Variants in FLAD1 observed in about 807,000 individuals in gnomAD.
FLAD1 encodes the protein bifunctional FAD diphosphatase/FAD synthase.
A neutral mutation model predicts 55.0 loss-of-function variants in FLAD1; 35 were observed. That is an observed-to-expected ratio of 0.64 (90% CI 0.49 to 0.84). The LOEUF (loss-of-function observed/expected upper bound fraction) is 0.84. Ranked by LOEUF, FLAD1 falls within the 40% of genes least tolerant of loss-of-function variation. FLAD1 has a pLI of 0.00. For missense variants in FLAD1, 665 were observed against 742.6 expected (o/e 0.90, Z 1.21); for synonymous variants, 267 against 303.0 (o/e 0.88, Z 1.23).
chr1:154,985,031 A>ATTTTTTTTTTTTTTTTTTTTTTTT (rs749772991), intron 1 of FLAD1, among the ~76,000 whole-genome samples: 2 of 32,586 alleles, frequency 6.1e-5, no homozygotes, highest in African/African-American at 1.2e-4. Context: ...CACCTGGCTA[A>ATTTTTTTTTTTTTTTTTTTTTTTT]TTTTTTTTTT....
Position 154,988,564 on chromosome 1 carries a change from C to A in FLAD1, c.832C>A (p.Gln278Lys). 1 of 1,614,244 alleles carries A rather than the reference C, an allele frequency of 6.2e-7. No individual in the cohort carries two copies. The highest frequency in any genetic ancestry group is 8.5e-7 in the Non-Finnish European group (1 of 1,180,048). ...MKGLFQNPAV[Q>K]FHSKELYVAA... Reference sequence around the variant, plus strand: ...GGGACTATTCCAAAACCCAGCTGTTCAGTTCCACTCAAAGGAGCTATATGT... The same window carrying A: ...GGGACTATTCCAAAACCCAGCTGTTAAGTTCCACTCAAAGGAGCTATATGT... Residue 278 changes from glutamine (Q) to lysine (K), a missense_variant, in exon 2 of 7, where the codon CAG becomes AAG. By Grantham distance (53) the Gln-to-Lys change is moderately conservative (BLOSUM62 1). Transcript: ENST00000292180.
chr1:154,985,592 G>A (rs752204293), intron 1 of FLAD1, among the ~76,000 whole-genome samples: 5 of 151,248 alleles, frequency 3.3e-5, no homozygotes, highest in Non-Finnish European at 5.9e-5. Flanking sequence ...TAGTAGGGAC[G>A]GATGGGGTTT....
chr1:154,992,142 C>CAAA (rs35484260), intron 5 of FLAD1, among the ~76,000 whole-genome samples: 2,278 of 68,836 alleles, frequency 0.033, 150 homozygotes, highest in African/African-American at 0.11. Flanking sequence ...GACTCCGTCT[C>CAAA]AAAAAAAAAA....
At chr1:154,989,779 A>G (rs1657784045) in intron 3 of FLAD1, 72 bp downstream of exon 3, 26 of 1,446,034 alleles carry the variant, frequency 1.8e-5, no homozygotes, top group Non-Finnish European at 2.4e-5. Flanking sequence ...GCAAGGAGAA[A>G]GGGGGTGTAC....
chr1:154,991,834 A>G (rs1657883554), intron 5 of FLAD1, among the ~76,000 whole-genome samples: 1 of 151,990 alleles, frequency 6.6e-6, no homozygotes, highest in Admixed American at 6.6e-5. Flanking sequence ...CCTGGGCAAC[A>G]GTAAAGGCCC....
chr1:154,989,585 AG>A lies in FLAD1; in HGVS notation c.1145del (p.Gly382ValfsTer86). ...GGTCTTCTTTGGGGAAAAAGGTGGC[AG>A]GTGCCCTACAGACCATTGAGACCTC... ...SGSSLGKKVA[G>X]ALQTIETSLA... is the part of the protein sequence containing the mutation. On this transcript the variant is annotated frameshift_variant, in exon 3 of 7. Coordinates refer to ENST00000292180, the MANE Select transcript of FLAD1 (RefSeq NM_025207.5). LOFTEE classifies it high-confidence loss of function. 6.3e-7 allele frequency: 1 copy of A among 1,586,792 alleles called. No individual in the cohort carries two copies. Among genetic ancestry groups the A allele is most frequent in the Non-Finnish European group, 8.6e-7 (1 of 1,165,256 alleles).
intron 1 of FLAD1, among the ~76,000 whole-genome samples, chr1:154,985,031 A>ATTTTTTTTTTTTTTTTTTTTTTTTT (rs749772991): frequency 3.1e-5 from 1 of 32,552 alleles, no homozygotes; most frequent in Non-Finnish European, 5.3e-5. Flanking sequence ...CACCTGGCTA[A>ATTTTTTTTTTTTTTTTTTTTTTTTT]TTTTTTTTTT....
intron 5 of FLAD1, among the ~76,000 whole-genome samples, chr1:154,991,757 C>T (rs950242904): frequency 2.0e-5 from 3 of 151,550 alleles, no homozygotes; most frequent in Admixed American, 6.6e-5. Flanking sequence ...CAGGCTGAGG[C>T]GGGAAGATCG....
At chr1:154,986,912 A>G (rs891187549) in intron 1 of FLAD1, among the ~76,000 whole-genome samples, 7 of 151,644 alleles carry the variant, frequency 4.6e-5, no homozygotes, top group African/African-American at 7.3e-5. Context: ...AAAAATCCCA[A>G]TTGATGAAAC....
At chr1:154,985,529 A>G (rs575698509) in intron 1 of FLAD1, among the ~76,000 whole-genome samples, 1 of 151,396 alleles carries the variant, frequency 6.6e-6, no homozygotes, top group Admixed American at 6.6e-5. Context: ...CAGCCTCCCA[A>G]GTGGCTGGGA....
Position 154,992,905 on chromosome 1 carries a change from C to T in FLAD1, c.1632C>T (p.Tyr544=). 1.2e-6 allele frequency: 2 copies of T among 1,614,026 alleles called. No homozygotes were observed. Among genetic ancestry groups the T allele is most frequent in the Middle Eastern group, 1.6e-4 (1 of 6,062 alleles). Residue 544 remains tyrosine, a synonymous_variant, in exon 7 of 7, where the codon TAC becomes TAT. Coordinates refer to ENST00000292180, the MANE Select transcript of FLAD1 (RefSeq NM_025207.5). The part of the protein sequence containing the change: ...VPYCILYDRG[Y]TSLGSRENTV... ...CCCTCCACCCTCCCTGCTCCAGATA[C>T]ACATCACTGGGGAGTCGGGAGAATA... is the stretch of plus-strand genomic sequence containing the variant.
In FLAD1 at chr1:154,983,674, A is replaced by G. The variant is rs779406447; in HGVS notation, c.-21A>G. ...AGAAGAAGTTTTTAAGACTAGAGCTAAGCAAGACATTTAAAAGGACATGGG... is the reference window on the plus strand; with the variant it reads ...AGAAGAAGTTTTTAAGACTAGAGCTGAGCAAGACATTTAAAAGGACATGGG... On this transcript the variant is annotated 5_prime_UTR_variant, in exon 1 of 7. Transcript: ENST00000292180. 2 of 1,594,904 alleles carry G rather than the reference A, an allele frequency of 1.3e-6. No individual in the cohort carries two copies. The highest frequency in any genetic ancestry group is 1.7e-6 in the Non-Finnish European group (2 of 1,168,622).
At chr1:154,984,985 A>C (rs1332875520) in intron 1 of FLAD1, among the ~76,000 whole-genome samples, 2 of 146,616 alleles carry the variant, frequency 1.4e-5, no homozygotes, top group East Asian at 2.0e-4. Context: ...CTGCCTCAGC[A>C]TCTGGAGTTG....
At chr1:154,987,458 G>A (rs1421973741) in intron 1 of FLAD1, 1 of 156,438 alleles carries the variant, frequency 6.4e-6, no homozygotes, top group East Asian at 1.9e-4. Context: ...ACTTTCTTCT[G>A]TATACAGTTG....
At chr1:154,989,823 C>A in intron 3 of FLAD1, 116 bp downstream of exon 3, 1 of 1,135,220 alleles carries the variant, frequency 8.8e-7, no homozygotes, top group Non-Finnish European at 1.2e-6. Context: ...GTCATGGTGA[C>A]CTCTCAGTTC....
chr1:154,987,862 G>C, intron 1 of FLAD1: 1 of 1,245,330 alleles, frequency 8.0e-7, no homozygotes, highest in Non-Finnish European at 1.1e-6. Context: ...AAGCCAGGAG[G>C]TTGAGGCTGC....
In FLAD1 at chr1:154,990,240, AC is replaced by A; in HGVS notation, c.1348del (p.Gln450ArgfsTer18). On this transcript the variant is annotated frameshift_variant, in exon 4 of 7. Coordinates refer to ENST00000292180, the MANE Select transcript of FLAD1 (RefSeq NM_025207.5). LOFTEE classifies it high-confidence loss of function. ...SPFPELEQFL[Q>X]DTIKRYNLQM... ...CTTTCCCTGAGCTGGAACAGTTTCT[AC>A]AGGACACTATCAAGAGGTACTAGGG... 1 of 1,614,094 alleles carries A rather than the reference AC, an allele frequency of 6.2e-7. No homozygotes were observed. Among genetic ancestry groups the A allele is most frequent in the Non-Finnish European group, 8.5e-7 (1 of 1,179,956 alleles).
Position 154,984,866 on chromosome 1 carries a change from C to T in FLAD1, c.372+800C>T, listed in dbSNP as rs140180181. ...TTACTAGAGGACATAACAGATGACA[C>T]GGGTTTTTTTGTTTTTGAGACAAGA... On this transcript the variant is annotated intron_variant, in intron 1 of 6. Coordinates refer to ENST00000292180, the MANE Select transcript of FLAD1 (RefSeq NM_025207.5). Among the ~76,000 whole-genome samples, 252 of 151,762 alleles carry T rather than the reference C, an allele frequency of 1.7e-3. 1 individual carries two copies. Among genetic ancestry groups the T allele is most frequent in the African/African-American group, 5.8e-3 (242 of 41,398 alleles).
intron 2 of FLAD1, 197 bp downstream of exon 2, chr1:154,989,046 T>C: frequency 9.8e-6 from 13 of 1,329,178 alleles, no homozygotes; most frequent in Non-Finnish European, 1.3e-5. Context: ...GTTGGGGATA[T>C]GGCTCAATAG....
Sources: allele counts gnomAD v4.1 joint callset (sites outside exome capture counted in the v4.1 genomes callset), GRCh38; gene constraint gnomAD v4.1.1; transcripts MANE v1.5; gene names NCBI Gene and HGNC (gene_info 2026-07-23, HGNC 2026-07-21).